Variants in ZNF221 observed in about 807,000 individuals in gnomAD.
The protein encoded by ZNF221 is zinc finger protein 221.
In ZNF221, 10 loss-of-function variants were observed where a neutral mutation model predicts 12.6. That is an observed-to-expected ratio of 0.79 (90% confidence interval 0.49 to 1.34). The LOEUF is 1.34. Among genes scored for constraint, ZNF221 ranks in the 40% most tolerant of loss-of-function variants. ZNF221 has a pLI of 0.00. For missense variants in ZNF221, 661 were observed against 721.4 expected (o/e 0.92, Z 0.96); for synonymous variants, 232 against 244.0 (o/e 0.95, Z 0.46).
At chr19:43,971,432 T>C (rs1975093822), downstream of ZNF221, among the ~76,000 whole-genome samples, 2 of 152,204 alleles carry the variant, frequency 1.3e-5, no homozygotes, top group South Asian at 2.1e-4. Context: ...GTAAATAGGC[T>C]AAATGCCCCA....
chr19:43,956,433 C>G (rs954329938), intron 1 of ZNF221, among the ~76,000 whole-genome samples: 1 of 152,126 alleles, frequency 6.6e-6, no homozygotes, highest in African/African-American at 2.4e-5. Context: ...ATCCTATCAA[C>G]CCTTACATTT....
intron 1 of ZNF221, among the ~76,000 whole-genome samples, chr19:43,957,227 CTGGAGCGTAG>C: frequency 6.6e-6 from 1 of 152,150 alleles, no homozygotes; most frequent in Non-Finnish European, 1.5e-5. Flanking sequence ...GTCGCCCAGG[CTGGAGCGTAG>C]TGGAGCAATC....
the ZNF221 span, among the ~76,000 whole-genome samples, chr19:43,980,378 T>C: frequency 6.6e-6 from 1 of 152,044 alleles, no homozygotes; most frequent in Non-Finnish European, 1.5e-5. Flanking sequence ...AAACGGGAGG[T>C]CAGTTCTGTA....
chr19:43,966,127 T>G lies in ZNF221; in HGVS notation c.625T>G (p.Tyr209Asp), dbSNP rs1281209121. The G allele has an allele frequency of 6.2e-7, 1 of 1,614,224 alleles. No individual in the cohort carries two copies. Among genetic ancestry groups the G allele is most frequent in the East Asian group, 2.2e-5 (1 of 44,880 alleles). Residue 209 changes from tyrosine (Y) to aspartate (D), a missense_variant, in exon 5 of 5, where the codon TAC (tyrosine) becomes GAC (aspartate). Physicochemically the swap from Tyr to Asp is radical, Grantham distance 160. Transcript: ENST00000587682. ...TGGTGAGTGTGGAAAAAGCTTCTGT[T>G]ACAGCCCAGCCCTTCATATTCATCA... ...TCGECGKSFCYSPALHIHQRV... is the reference protein window; with the variant it reads ...TCGECGKSFCDSPALHIHQRV...
At chr19:43,964,864 A>C in intron 2 of ZNF221, 86 bp from the exon 3 acceptor site, 1 of 1,565,934 alleles carries the variant, frequency 6.4e-7, no homozygotes, top group Non-Finnish European at 8.8e-7. Flanking sequence ...AACTTACCAC[A>C]CCTGTCCCCT....
Position 43,966,307 on chromosome 19 carries a change from C to A in ZNF221, c.805C>A (p.Leu269Ile), listed in dbSNP as rs1181264012. ...GAAAGGCTTCCATAGTAGATCAGCACTTAATGTTCATTGCAAATTGCACAC... is the reference window on the plus strand; with the variant it reads ...GAAAGGCTTCCATAGTAGATCAGCAATTAATGTTCATTGCAAATTGCACAC... ...CGKGFHSRSA[L>I]NVHCKLHTGE... The change falls in exon 5 of 5, where the codon CTT (leucine) becomes ATT (isoleucine). Residue 269 changes from leucine to isoleucine, a missense_variant. Coordinates refer to ENST00000587682, the MANE Select transcript of ZNF221 (RefSeq NM_001297588.2). 2 of 1,614,154 alleles carry A rather than the reference C, an allele frequency of 1.2e-6. No individual in the cohort carries two copies. The highest frequency in any genetic ancestry group is 1.1e-5 in the South Asian group (1 of 91,074).
intron 1 of ZNF221, among the ~76,000 whole-genome samples, chr19:43,952,605 G>A (rs1237474024): frequency 6.6e-6 from 1 of 152,204 alleles, no homozygotes; most frequent in Admixed American, 6.5e-5. Context: ...AGTTGCCCAA[G>A]TAATAAGAAG....
the ZNF221 span, among the ~76,000 whole-genome samples, chr19:43,978,995 G>T: frequency 4.7e-5 from 6 of 127,074 alleles, no homozygotes; most frequent in African/African-American, 6.2e-5. Context: ...TAGATTTGTT[G>T]TTGTTTTTAA....
At chr19:43,960,004 G>C (rs904771981) in intron 1 of ZNF221, among the ~76,000 whole-genome samples, 10 of 151,684 alleles carry the variant, frequency 6.6e-5, no homozygotes, top group African/African-American at 2.4e-4. Context: ...TTTTCACTGA[G>C]CCATGGGAAC....
downstream of ZNF221, among the ~76,000 whole-genome samples, chr19:43,970,386 T>C (rs1443506248): frequency 6.6e-6 from 1 of 152,120 alleles, no homozygotes; most frequent in Non-Finnish European, 1.5e-5. Flanking sequence ...AGCACCTCTC[T>C]AGCAAGGGTA....
intron 1 of ZNF221, among the ~76,000 whole-genome samples, chr19:43,960,698 C>T (rs1435051445): frequency 6.6e-6 from 1 of 152,180 alleles, no homozygotes; most frequent in Non-Finnish European, 1.5e-5. Flanking sequence ...CTTAGAGTGC[C>T]CCAGGCGCAG....
intron 1 of ZNF221, among the ~76,000 whole-genome samples, chr19:43,961,337 C>T (rs910069089): frequency 6.6e-6 from 1 of 152,048 alleles, no homozygotes; most frequent in Non-Finnish European, 1.5e-5. Context: ...TGGGAACAAA[C>T]TTATAATGAG....
the ZNF221 span, chr19:43,978,681 T>G: frequency 6.6e-6 from 1 of 152,156 alleles, no homozygotes; most frequent in Non-Finnish European, 1.5e-5. Flanking sequence ...ATGTAGTACC[T>G]GAGCTTTTGT....
In ZNF221 at chr19:43,966,529, T is replaced by A. The variant is rs774323784; in HGVS notation, c.1027T>A (p.Cys343Ser). The change falls in exon 5 of 5, where the codon TGT becomes AGT. Residue 343 changes from cysteine (C) to serine (S), a missense_variant. Physicochemically the swap from Cys to Ser is moderately radical, Grantham distance 112 (BLOSUM62 -1). Coordinates refer to ENST00000587682, the MANE Select transcript of ZNF221 (RefSeq NM_001297588.2). The part of the protein sequence containing the change: ...TGEKPFRCDT[C>S]GKNFRQRSAL... ...AGAAAAACCATTCAGATGTGATACA[T>A]GTGGCAAGAACTTTCGTCAGAGATC... 6.2e-7 allele frequency: 1 copy of A among 1,614,182 alleles called. No individual in the cohort carries two copies. The highest frequency in any genetic ancestry group is 1.7e-5 in the Admixed American group (1 of 60,026).
downstream of ZNF221, among the ~76,000 whole-genome samples, chr19:43,969,333 GCTTT>G (rs905090603): frequency 4.2e-5 from 5 of 117,734 alleles, no homozygotes; most frequent in African/African-American, 1.6e-4. Flanking sequence ...CCAGACTGCT[GCTTT>G]TTTTTTTTTT....
chr19:43,953,733 T>C (rs1974711542), intron 1 of ZNF221, among the ~76,000 whole-genome samples: 1 of 152,102 alleles, frequency 6.6e-6, no homozygotes, highest in Non-Finnish European at 1.5e-5. Context: ...AAATATGCAT[T>C]TAGGTTATCA....
chr19:43,965,217 C>T lies in ZNF221; in HGVS notation c.209-16C>T, dbSNP rs1474632801. Reference sequence around the variant, plus strand: ...TACAATGGGTTGGAATTAAGCATGTCACTGTGTGTTCACAGGGAATCAACC... The same window carrying T: ...TACAATGGGTTGGAATTAAGCATGTTACTGTGTGTTCACAGGGAATCAACC... On this transcript the variant is annotated splice_polypyrimidine_tract_variant and intron_variant, in intron 3 of 4. Transcript: ENST00000587682. The T allele has an allele frequency of 1.9e-6, 3 of 1,604,344 alleles. No homozygotes were observed. The highest frequency in any genetic ancestry group is 1.7e-5 in the Admixed American group (1 of 58,122).
downstream of ZNF221, among the ~76,000 whole-genome samples, chr19:43,972,006 T>G (rs544838992): frequency 3.3e-5 from 5 of 152,266 alleles, no homozygotes; most frequent in Admixed American, 6.5e-5. Context: ...TAATCGGAAG[T>G]AAACACTCCT....
At chr19:43,968,876 T>TC (rs1479687302), downstream of ZNF221, among the ~76,000 whole-genome samples, 1 of 152,106 alleles carries the variant, frequency 6.6e-6, no homozygotes, top group Non-Finnish European at 1.5e-5. Flanking sequence ...AACCCACGGG[T>TC]CAGGAGATCT....
Sources: gnomAD v4.1 joint callset for allele counts (sites outside exome capture counted in the v4.1 genomes callset) on GRCh38, gnomAD v4.1.1 for gene constraint, MANE v1.5 for transcripts, NCBI Gene and HGNC (gene_info 2026-07-23, HGNC 2026-07-21) for gene names.